SLC31A1: variants seen among roughly 807,000 people sequenced by gnomAD.
The protein encoded by SLC31A1 is solute carrier family 31 member 1, also known as high affinity copper uptake protein 1.
In SLC31A1, 5 loss-of-function variants were observed where a neutral mutation model predicts 17.2. The ratio of observed to expected loss-of-function variants is 0.29; its 90% confidence interval spans 0.15 to 0.61. The LOEUF is 0.61. SLC31A1 is among the 20% of genes least tolerant of loss of function. The probability of loss-of-function intolerance (pLI) is 0.86; values close to 1 mark genes in which losing one functional copy is unlikely to be tolerated. For missense variants in SLC31A1, 161 were observed against 241.4 expected (o/e 0.67, Z 2.21); for synonymous variants, 76 against 78.8 (o/e 0.96, Z 0.19).
chr9:113,255,343 T>G (rs574518546), intron 1 of SLC31A1, among the ~76,000 whole-genome samples: 1 of 152,368 alleles, frequency 6.6e-6, no homozygotes, highest in Non-Finnish European at 1.5e-5. Flanking sequence ...GATTGCCTGT[T>G]TCCTGCAACC....
intron 1 of SLC31A1, among the ~76,000 whole-genome samples, chr9:113,238,199 T>C (rs958183855): frequency 1.3e-5 from 2 of 152,178 alleles, no homozygotes; most frequent in African/African-American, 4.8e-5. Context: ...AATTGAGAAA[T>C]GTCTGGAGAC....
chr9:113,259,977 C>T (rs1344367447), intron 4 of SLC31A1, among the ~76,000 whole-genome samples: 1 of 152,182 alleles, frequency 6.6e-6, no homozygotes, highest in African/African-American at 2.4e-5. Flanking sequence ...TACGGCTTCC[C>T]TTTCAGGATC....
chr9:113,227,275 C>T (rs1195227931), intron 1 of SLC31A1: 1 of 152,004 alleles, frequency 6.6e-6, no homozygotes, highest in East Asian at 1.9e-4. Context: ...TTTCTTGAAA[C>T]AGGATCTTGC....
intron 1 of SLC31A1, among the ~76,000 whole-genome samples, chr9:113,237,794 A>T (rs959349774): frequency 1.3e-5 from 2 of 152,228 alleles, no homozygotes. Flanking sequence ...TCTCAGAAAA[A>T]GCGTGCATGA....
chr9:113,245,080 A>G (rs1013655820), intron 1 of SLC31A1, among the ~76,000 whole-genome samples: 2 of 152,214 alleles, frequency 1.3e-5, no homozygotes, highest in African/African-American at 4.8e-5. Flanking sequence ...GCTACCCTTT[A>G]TAAGAGGAAT....
At chr9:113,233,312 A>G (rs1301854962) in intron 1 of SLC31A1, among the ~76,000 whole-genome samples, 1 of 152,202 alleles carries the variant, frequency 6.6e-6, no homozygotes, top group Non-Finnish European at 1.5e-5. Context: ...AAGGGGAAAT[A>G]TCTTTTCTAC....
At chr9:113,250,447 A>G (rs1038550097) in intron 1 of SLC31A1, among the ~76,000 whole-genome samples, 9 of 150,024 alleles carry the variant, frequency 6.0e-5, no homozygotes, top group African/African-American at 2.2e-4. Context: ...CAAACACCGC[A>G]TATTCTCACT....
chr9:113,258,699 G>T lies in SLC31A1; in HGVS notation c.208G>T (p.Ala70Ser). 1 of 1,614,120 alleles carries T rather than the reference G, an allele frequency of 6.2e-7. No individual in the cohort carries two copies. The highest frequency in any genetic ancestry group is 1.1e-5 in the South Asian group (1 of 91,082). ...TATTTTCCTTCCATACTTAGAAATG[G>T]CTGGAGCTTTTGTGGCAGTGTTTTT... Reference protein sequence around the residue: ...GLVINTAGEMAGAFVAVFLLA... With the variant: ...GLVINTAGEMSGAFVAVFLLA... The change falls in exon 4 of 5, where the codon GCT becomes TCT. Residue 70 changes from alanine (A) to serine (S), a missense_variant. Transcript: ENST00000374212. This position sits in a 1 kb window ranked among gnomAD's most constrained non-coding sequence, Gnocchi z 4.8.
rs1388570920 is a variant in SLC31A1, at chr9:113,261,339, C to A, written c.*866C>A. The A allele has an allele frequency of 6.6e-6, 1 of 152,622 alleles. No individual in the cohort carries two copies. The highest frequency in any genetic ancestry group is 2.1e-4 in the South Asian group (1 of 4,828). 9.5% of individuals were successfully genotyped at this position (152,622 alleles called of 1,614,324 possible). A position where few individuals can be genotyped will look rare whatever the true frequency, so the allele number is the denominator to read the frequency against. ...ATTGTGCCTTTCTCTAGATGTGATACGTTATACCAAAATCTTTGTAGTGTG... is the reference window on the plus strand; with the variant it reads ...ATTGTGCCTTTCTCTAGATGTGATAAGTTATACCAAAATCTTTGTAGTGTG... On this transcript the variant is annotated 3_prime_UTR_variant, in exon 5 of 5. Transcript: ENST00000374212.
intron 2 of SLC31A1, chr9:113,256,485 T>A: frequency 2.0e-6 from 1 of 504,076 alleles, no homozygotes; most frequent in East Asian, 3.3e-5. Flanking sequence ...ATTTTAGGCT[T>A]CTTTCTTTGG....
intron 3 of SLC31A1, among the ~76,000 whole-genome samples, chr9:113,257,478 A>ATTTTTT (rs532189321): frequency 1.3e-4 from 13 of 101,172 alleles, no homozygotes; most frequent in East Asian, 3.0e-4. Context: ...AGAGTGTTTA[A>ATTTTTT]TTTTTTTTTT....
chr9:113,248,305 CAG>C (rs1311464967), intron 1 of SLC31A1, among the ~76,000 whole-genome samples: 18 of 152,012 alleles, frequency 1.2e-4, no homozygotes, highest in African/African-American at 4.1e-4. Flanking sequence ...GCCTGGGTGA[CAG>C]AGACTCTGTC....
At chr9:113,255,408 A>G (rs1831709192) in intron 1 of SLC31A1, among the ~76,000 whole-genome samples, 1 of 152,214 alleles carries the variant, frequency 6.6e-6, no homozygotes, top group Admixed American at 6.5e-5. Flanking sequence ...ACATATATTA[A>G]GCATACCTAT....
At chr9:113,256,376 C>A in intron 2 of SLC31A1, 99 bp downstream of exon 2, 2 of 1,374,578 alleles carry the variant, frequency 1.5e-6, no homozygotes, top group South Asian at 1.3e-5. Flanking sequence ...CTTTAAAGGT[C>A]AGTTTACCAG....
chr9:113,263,934 T>C lies in SLC31A1; in HGVS notation c.*3461T>C, dbSNP rs187734512. 5 of 152,302 alleles carry C rather than the reference T, an allele frequency of 3.3e-5. No individual in the cohort carries two copies. In the East Asian group the frequency reaches 7.7e-4, roughly 23 times the overall value. 9.4% of individuals were successfully genotyped at this position (152,302 alleles called of 1,614,324 possible). ...GGTCTTGGGTTCTAGTCATAAGGGGTTCCTTATAAGGAGCAGGCGGAGGGG... is the reference window on the plus strand; with the variant it reads ...GGTCTTGGGTTCTAGTCATAAGGGGCTCCTTATAAGGAGCAGGCGGAGGGG... On this transcript the variant is annotated 3_prime_UTR_variant, in exon 5 of 5. Coordinates refer to ENST00000374212, the MANE Select transcript of SLC31A1 (RefSeq NM_001859.4).
chr9:113,231,871 G>T (rs1032053039), intron 1 of SLC31A1, among the ~76,000 whole-genome samples: 2 of 152,180 alleles, frequency 1.3e-5, no homozygotes, highest in Non-Finnish European at 2.9e-5. Flanking sequence ...CTCTGTGGAA[G>T]AGTTCTGATA....
intron 1 of SLC31A1, among the ~76,000 whole-genome samples, chr9:113,244,065 G>A (rs540669479): frequency 2.1e-5 from 3 of 140,846 alleles, no homozygotes; most frequent in Middle Eastern, 3.8e-3. Context: ...TGAGGCAGGA[G>A]AATCGCTTGA....
chr9:113,253,298 A>G lies in SLC31A1; in HGVS notation c.-35-2816A>G, dbSNP rs560890275. On this transcript the variant is annotated intron_variant, in intron 1 of 4. Coordinates refer to ENST00000374212, the MANE Select transcript of SLC31A1 (RefSeq NM_001859.4). ...TGCATTTGTTTGGTTCAATATCATA[A>G]TTTATGATCACTCAGATGCCAGTGA... is the stretch of plus-strand genomic sequence containing the variant. Among the ~76,000 whole-genome samples the G allele has an allele frequency of 2.0e-5, 3 of 152,156 alleles. No homozygotes were observed. In the East Asian group the frequency reaches 5.8e-4, roughly 29 times the overall value.
At chr9:113,244,771 A>G (rs1340737435) in intron 1 of SLC31A1, among the ~76,000 whole-genome samples, 1 of 152,212 alleles carries the variant, frequency 6.6e-6, no homozygotes, top group African/African-American at 2.4e-5. Context: ...GGTAATTATA[A>G]TGGTGGGTTT....
Sources: allele counts gnomAD v4.1 joint callset (sites outside exome capture counted in the v4.1 genomes callset), GRCh38; gene constraint gnomAD v4.1.1; non-coding constraint Gnocchi (gnomAD v3.1); transcripts MANE v1.5; gene names NCBI Gene and HGNC (gene_info 2026-07-23, HGNC 2026-07-21).